WDR83: variants seen among roughly 807,000 people sequenced by gnomAD.
WDR83 encodes WD repeat domain-containing protein 83.
In WDR83, 37 loss-of-function variants were observed where a neutral mutation model predicts 37.7. The observed-to-expected ratio is 0.98, with a 90% CI of 0.76 to 1.29. The LOEUF (loss-of-function observed/expected upper bound fraction) is 1.29. WDR83 is among the 50% of genes most tolerant of loss of function. The pLI, the probability that WDR83 is intolerant of heterozygous loss-of-function variation, is 0.00. For synonymous variants in WDR83, 174 were observed against 181.1 expected, an observed-to-expected ratio of 0.96 and a Z score of 0.31; for missense variants, 445 against 414.4, an observed-to-expected ratio of 1.07 and a Z score of -0.64.
intron 1 of WDR83, 145 bp from the exon 2 acceptor site, chr19:12,668,363 C>T (rs769186136): frequency 6.2e-7 from 1 of 1,612,374 alleles, no homozygotes; most frequent in South Asian, 1.1e-5. Flanking sequence ...CTGGTATCAC[C>T]ATGGGGGCGT....
rs936459161 is a variant in WDR83, at chr19:12,669,595, T to G, written c.-36-160T>G. 6 of 928,658 alleles carry G rather than the reference T, an allele frequency of 6.5e-6. No homozygotes were observed. The African/African-American group carries it at 1.0e-4, about 16-fold the overall frequency. 57.5% of individuals were successfully genotyped at this position (928,658 alleles called of 1,614,324 possible). Reference sequence around the variant, plus strand: ...AGAAGTCTTCCTTTCAAAGGGAAAATGGGGAAAAGAACCTGAAAGCGGGCT... The same window carrying G: ...AGAAGTCTTCCTTTCAAAGGGAAAAGGGGGAAAAGAACCTGAAAGCGGGCT... On this transcript the variant is annotated intron_variant, in intron 2 of 10. Coordinates refer to ENST00000418543, the MANE Select transcript of WDR83 (RefSeq NM_001099737.3).
At chr19:12,672,770 G>A in intron 7 of WDR83, 77 bp from the exon 8 acceptor site, 3 of 1,458,582 alleles carry the variant, frequency 2.1e-6, no homozygotes, top group Non-Finnish European at 2.8e-6. Flanking sequence ...CAGGCCCACT[G>A]GGCTGGGAAG....
In WDR83 at chr19:12,673,183, C is replaced by G. The variant is rs557273754; in HGVS notation, c.684-19C>G. The G allele has an allele frequency of 1.9e-6, 3 of 1,613,708 alleles. No homozygotes were observed. The highest frequency in any genetic ancestry group is 8.5e-7 in the Non-Finnish European group (1 of 1,179,696). On this transcript the variant is annotated intron_variant, in intron 9 of 10. Coordinates refer to ENST00000418543, the MANE Select transcript of WDR83 (RefSeq NM_001099737.3). ...CACCCCTGGAGAGGACCAAGCCCCC[C>G]GATCCTGTCCACCCTTAGGTACAAG...
chr19:12,668,243 C>G lies in WDR83; in HGVS notation c.-156-265C>G, dbSNP rs527275748. On this transcript the variant is annotated intron_variant, in intron 1 of 10. Coordinates refer to ENST00000418543, the MANE Select transcript of WDR83 (RefSeq NM_001099737.3). ...GTTCCCTCTATCCAGCTGGGGGCAC[C>G]GAGACGGCCTCATTCAGGGAAGTCC... is the stretch of plus-strand genomic sequence containing the variant. 1.6e-5 allele frequency: 18 copies of G among 1,107,266 alleles called. No homozygotes were observed. In the African/African-American group the frequency reaches 2.7e-4, roughly 17 times the overall value. 68.6% of individuals were successfully genotyped at this position (1,107,266 alleles called of 1,614,324 possible).
chr19:12,672,748 G>A, intron 7 of WDR83, 99 bp from the exon 8 acceptor site: 12 of 1,238,880 alleles, frequency 9.7e-6, no homozygotes, highest in Non-Finnish European at 1.4e-5. Flanking sequence ...CCACTCCTGT[G>A]CACTGGAAGA....
At chr19:12,673,947 G>A (rs1163341268) in intron 10 of WDR83, among the ~76,000 whole-genome samples, 3 of 152,136 alleles carry the variant, frequency 2.0e-5, no homozygotes, top group Non-Finnish European at 2.9e-5. Flanking sequence ...TGATTCACCC[G>A]CCTCGGCCTC....
chr19:12,674,160 C>T (rs745871929), intron 10 of WDR83, among the ~76,000 whole-genome samples: 1 of 152,182 alleles, frequency 6.6e-6, no homozygotes, highest in Non-Finnish European at 1.5e-5. Flanking sequence ...GATGCCAGGC[C>T]GAGCAACTGG....
At chr19:12,673,391 A>AG in intron 10 of WDR83, 75 bp downstream of exon 10, 1 of 632,304 alleles carries the variant, frequency 1.6e-6, no homozygotes, top group Middle Eastern at 3.9e-4. Flanking sequence ...CAGTCACTCC[A>AG]GGGCCTGAAG....
rs1442542394 is a variant in WDR83, at chr19:12,670,078, G to A, written c.205G>A (p.Glu69Lys). 6.2e-7 allele frequency: 1 copy of A among 1,611,868 alleles called. No individual in the cohort carries two copies. The highest frequency in any genetic ancestry group is 2.2e-5 in the East Asian group (1 of 44,834). ...GCGGACGTACAGCGGCCACGGCTAC[G>A]AGGTGCTGGATGCGGCCGGGTGAGC... Reference protein sequence around the residue: ...LLRTYSGHGYEVLDAAGSFDN... With the variant: ...LLRTYSGHGYKVLDAAGSFDN... The change falls in exon 4 of 11, where the codon GAG becomes AAG. Residue 69 changes from glutamate to lysine, a missense_variant. Physicochemically the swap from Glu to Lys is moderately conservative, Grantham distance 56. Transcript: ENST00000418543.
At chr19:12,667,644 A>G (rs1428724061) in intron 1 of WDR83, among the ~76,000 whole-genome samples, 3 of 152,218 alleles carry the variant, frequency 2.0e-5, no homozygotes, top group Non-Finnish European at 2.9e-5. Context: ...GGGCAACAAG[A>G]GCAAAACTCT....
chr19:12,669,976 G>A lies in WDR83; in HGVS notation c.104-1G>A. On this transcript the variant is annotated splice_acceptor_variant, in intron 3 of 10. Coordinates refer to ENST00000418543, the MANE Select transcript of WDR83 (RefSeq NM_001099737.3). LOFTEE classifies it high-confidence loss of function. The stretch of plus-strand genomic sequence containing the variant: ...AGTAACCCCCGCCTGGTGTTCCCCA[G>A]TGGATGGCAATTACTGCCTGACGTG... 6.2e-7 allele frequency: 1 copy of A among 1,609,858 alleles called. No individual in the cohort carries two copies. The highest frequency in any genetic ancestry group is 8.5e-7 in the Non-Finnish European group (1 of 1,176,624).
intron 7 of WDR83, 82 bp downstream of exon 7, chr19:12,670,903 T>C: frequency 6.5e-7 from 1 of 1,534,256 alleles, no homozygotes; most frequent in Non-Finnish European, 8.8e-7. Context: ...AAACCTACTC[T>C]CAGCTGGGCA....
Position 12,668,513 on chromosome 19 carries a change from G to C in WDR83, c.-151G>C, listed in dbSNP as rs1032836220. The C allele has an allele frequency of 8.1e-6, 13 of 1,614,082 alleles. No homozygotes were observed. In the East Asian group the frequency reaches 2.9e-4, roughly 36 times the overall value. On this transcript the variant is annotated 5_prime_UTR_variant, in exon 2 of 11. Coordinates refer to ENST00000418543, the MANE Select transcript of WDR83 (RefSeq NM_001099737.3). ...AAGAGTCACTTGTTCTGTAGGGCAA[G>C]TCTCACATGAAGCTACTCATCATTT...
In WDR83 at chr19:12,672,830, T is replaced by G. The variant is rs569338211; in HGVS notation, c.507-17T>G. On this transcript the variant is annotated splice_polypyrimidine_tract_variant and intron_variant, in intron 7 of 10. Transcript: ENST00000418543. ...GAGTGTAGTCAAGGTTCCCGCTGGA[T>G]CTACCCTCTCCTGCAGCTCCGTGGA... is the stretch of plus-strand genomic sequence containing the variant. The G allele has an allele frequency of 6.4e-7, 1 of 1,569,348 alleles. No homozygotes were observed. The highest frequency in any genetic ancestry group is 1.9e-5 in the Admixed American group (1 of 53,240).
At chr19:12,668,755 G>C (rs909591105) in intron 2 of WDR83, 128 bp downstream of exon 2, 8 of 723,648 alleles carry the variant, frequency 1.1e-5, no homozygotes, top group African/African-American at 1.7e-5. Context: ...GAATTCCTCA[G>C]TCCCACCTGC....
At chr19:12,667,941 A>G (rs913839028) in intron 1 of WDR83, 2 of 180,052 alleles carry the variant, frequency 1.1e-5, no homozygotes, top group African/African-American at 4.7e-5. Flanking sequence ...CTGACTTAAG[A>G]CACAAGGTTT....
chr19:12,668,503 T>C lies in WDR83; in HGVS notation c.-156-5T>C, dbSNP rs374347148. 3.7e-6 allele frequency: 6 copies of C among 1,613,900 alleles called. No homozygotes were observed. The highest frequency in any genetic ancestry group is 4.2e-6 in the Non-Finnish European group (5 of 1,179,928). Reference sequence around the variant, plus strand: ...CCCCTTACTCAAGAGTCACTTGTTCTGTAGGGCAAGTCTCACATGAAGCTA... The same window carrying C: ...CCCCTTACTCAAGAGTCACTTGTTCCGTAGGGCAAGTCTCACATGAAGCTA... On this transcript the variant is annotated splice_region_variant and splice_polypyrimidine_tract_variant and intron_variant, in intron 1 of 10. Coordinates refer to ENST00000418543, the MANE Select transcript of WDR83 (RefSeq NM_001099737.3).
Position 12,675,570 on chromosome 19 carries a change from G to A in WDR83, c.846G>A (p.Ser282=), listed in dbSNP as rs142130654. 556 of 1,606,070 alleles carry A rather than the reference G, an allele frequency of 3.5e-4. No individual in the cohort carries two copies. The highest frequency in any genetic ancestry group is 2.0e-3 in the East Asian group (89 of 44,866). ...ALPVGSGVVQ[S]LAYHPTEPCL... ...CTGTGGGTTCCGGTGTGGTGCAGTCGCTGGCCTACCACCCAACAGAGCCCT... is the reference window on the plus strand; with the variant it reads ...CTGTGGGTTCCGGTGTGGTGCAGTCACTGGCCTACCACCCAACAGAGCCCT... The change falls in exon 11 of 11, where the codon TCG becomes TCA. Residue 282 remains serine (S), a synonymous_variant. Coordinates refer to ENST00000418543, the MANE Select transcript of WDR83 (RefSeq NM_001099737.3).
chr19:12,670,511 T>TA, intron 5 of WDR83, 52 bp from the exon 6 acceptor site: 1 of 1,613,616 alleles, frequency 6.2e-7, no homozygotes, highest in Non-Finnish European at 8.5e-7. Flanking sequence ...ACCCTGCCTT[T>TA]ATCCCAGTCC....
Sources: gnomAD v4.1 joint callset for allele counts (sites outside exome capture counted in the v4.1 genomes callset) on GRCh38, gnomAD v4.1.1 for gene constraint, MANE v1.5 for transcripts, NCBI Gene and HGNC (gene_info 2026-07-23, HGNC 2026-07-21) for gene names.